Variants in DGKB observed in about 807,000 individuals in gnomAD.
The protein encoded by DGKB is 90 kDa diacylglycerol kinase.
DGKB carries 67 observed loss-of-function variants against 114.3 expected under a neutral mutation model. That is an observed-to-expected ratio of 0.59 (90% CI 0.48 to 0.72). The LOEUF (loss-of-function observed/expected upper bound fraction) is 0.72, where lower values mean the gene tolerates loss of function less well. Among genes scored for constraint, DGKB ranks in the 30% least tolerant of loss-of-function variants. The pLI, the probability that DGKB is intolerant of heterozygous loss-of-function variation, is 0.00. For synonymous variants in DGKB, 398 were observed against 323.1 expected (o/e 1.23, Z -2.49); for missense variants, 907 against 975.2 (o/e 0.93, Z 0.93).
chr7:14,962,283 G>C (rs899774557), intron 1 of DGKB, among the ~76,000 whole-genome samples: 3 of 152,036 alleles, frequency 2.0e-5, no homozygotes, highest in Non-Finnish European at 2.9e-5. Flanking sequence ...GTGTGAGAAT[G>C]GCTGTATCTA....
At chr7:14,631,263 CAAAAAAA>C (rs35088925) in intron 13 of DGKB, among the ~76,000 whole-genome samples, 1 of 98,406 alleles carries the variant, frequency 1.0e-5, no homozygotes, top group South Asian at 3.5e-4. Flanking sequence ...CAGCAAGAAC[CAAAAAAA>C]AAAAAAAAAA....
chr7:14,464,267 A>G (rs1833524062), intron 21 of DGKB, among the ~76,000 whole-genome samples: 1 of 152,164 alleles, frequency 6.6e-6, no homozygotes, highest in African/African-American at 2.4e-5. Flanking sequence ...ATATTCATAA[A>G]TTTGCAAACT....
At chr7:14,898,102 G>A (rs771977313) in intron 1 of DGKB, among the ~76,000 whole-genome samples, 12 of 152,052 alleles carry the variant, frequency 7.9e-5, no homozygotes, top group South Asian at 2.1e-4. Flanking sequence ...TGTTGGGCCC[G>A]TGGTAGAATC....
intron 23 of DGKB, among the ~76,000 whole-genome samples, chr7:14,211,131 C>G (rs1787709623): frequency 6.6e-6 from 1 of 152,078 alleles, no homozygotes; most frequent in South Asian, 2.1e-4. Context: ...TGGCTCCTTT[C>G]CTCAACATTT....
chr7:14,448,532 T>A (rs764560238), intron 21 of DGKB, among the ~76,000 whole-genome samples: 1 of 152,134 alleles, frequency 6.6e-6, no homozygotes, highest in African/African-American at 2.4e-5. Flanking sequence ...GAATTCTGAA[T>A]GCTGTGTTAT....
chr7:14,880,136 G>A, intron 1 of DGKB, among the ~76,000 whole-genome samples: 1 of 152,112 alleles, frequency 6.6e-6, no homozygotes, highest in East Asian at 1.9e-4. Context: ...TCCAGCCAGA[G>A]GTAGTGAGTC....
chr7:14,631,519 A>G (rs1463549803), intron 13 of DGKB, among the ~76,000 whole-genome samples: 3 of 152,144 alleles, frequency 2.0e-5, no homozygotes, highest in African/African-American at 2.4e-5. Flanking sequence ...GAAGCCACGA[A>G]GTGGAAGAGT....
intron 1 of DGKB, among the ~76,000 whole-genome samples, chr7:14,939,593 A>G (rs995610989): frequency 6.6e-6 from 1 of 150,906 alleles, no homozygotes; most frequent in Admixed American, 6.6e-5. Flanking sequence ...CACAAAGTAA[A>G]TGAAACTGCT....
chr7:14,479,532 G>A (rs1418181967), intron 20 of DGKB, among the ~76,000 whole-genome samples: 3 of 152,016 alleles, frequency 2.0e-5, no homozygotes, highest in Non-Finnish European at 4.4e-5. Context: ...CCCCCTCTAC[G>A]GTTTAATATT....
chr7:14,320,633 T>C (rs1807600323), intron 23 of DGKB, among the ~76,000 whole-genome samples: 2 of 151,972 alleles, frequency 1.3e-5, no homozygotes, highest in South Asian at 2.1e-4. Flanking sequence ...TATATAGTCC[T>C]GTAGGGTCTG....
At chr7:14,862,468 A>G (rs1445754476) in intron 1 of DGKB, among the ~76,000 whole-genome samples, 1 of 152,092 alleles carries the variant, frequency 6.6e-6, no homozygotes, top group African/African-American at 2.4e-5. Context: ...TTTAGTGGTT[A>G]TAACAACTTT....
intron 23 of DGKB, among the ~76,000 whole-genome samples, chr7:14,292,010 A>G (rs983059619): frequency 3.3e-5 from 5 of 152,160 alleles, no homozygotes; most frequent in African/African-American, 1.2e-4. Context: ...AAAAGGCACA[A>G]TATCTGAAGG....
chr7:14,209,367 T>C (rs1381657764), intron 23 of DGKB: 1 of 455,516 alleles, frequency 2.2e-6, no homozygotes, highest in African/African-American at 2.0e-5. Context: ...TTTGGAAAGA[T>C]ACAGACACTG....
chr7:14,712,432 A>G (rs1009656051), intron 6 of DGKB, among the ~76,000 whole-genome samples: 12 of 152,126 alleles, frequency 7.9e-5, no homozygotes, highest in African/African-American at 2.9e-4. Context: ...ATAGAAATAG[A>G]GAAAATGAGG....
At chr7:14,550,848 G>C (rs1160379715) in intron 20 of DGKB, among the ~76,000 whole-genome samples, 3 of 152,104 alleles carry the variant, frequency 2.0e-5, no homozygotes, top group African/African-American at 7.2e-5. Flanking sequence ...TAAAGAGGTA[G>C]ATAATGTAGA....
At chr7:14,284,232 C>G (rs865842421) in intron 23 of DGKB, among the ~76,000 whole-genome samples, 1 of 143,480 alleles carries the variant, frequency 7.0e-6, no homozygotes, top group Non-Finnish European at 1.5e-5. Flanking sequence ...AAAGAAGACA[C>G]TTATGCAGCC....
chr7:14,238,858 G>T (rs1471752358), intron 23 of DGKB, among the ~76,000 whole-genome samples: 2 of 139,992 alleles, frequency 1.4e-5, no homozygotes, highest in Non-Finnish European at 3.1e-5. Context: ...ATGTTAGCAT[G>T]CTTTATATGG....
chr7:14,694,037 C>T (rs1437798333), intron 9 of DGKB, 38 bp downstream of exon 9: 2 of 1,554,006 alleles, frequency 1.3e-6, no homozygotes, highest in South Asian at 2.4e-5. Context: ...GCCCCACTGA[C>T]TCACCACCAG....
At position 14,747,425 on chromosome 7, in the gene DGKB, T is replaced by A. The variant is rs546341641; in HGVS notation, c.168+6503A>T. 2.0e-5 allele frequency among the ~76,000 whole-genome samples: 3 copies of A among 152,208 alleles called. No individual in the cohort carries two copies. The East Asian group carries it at 5.8e-4, about 29-fold the overall frequency. ...CATTGAGAAATGTTTCTTCAATGTG[T>A]TTCCTGGTTAACCCGTCCCTTTTCT... On this transcript the variant is annotated intron_variant, in intron 4 of 25. Transcript: ENST00000402815.
Sources: gnomAD v4.1 joint callset for allele counts (sites outside exome capture counted in the v4.1 genomes callset) on GRCh38, gnomAD v4.1.1 for gene constraint, MANE v1.5 for transcripts, NCBI Gene and HGNC (gene_info 2026-07-23, HGNC 2026-07-21) for gene names.